The following ACBD6 variants were observed in gnomAD, a reference collection of about 807,000 sequenced individuals.
ACBD6 encodes acyl-CoA binding domain containing 6.
Under a neutral mutation model 37.2 loss-of-function variants are expected in ACBD6, and 28 were observed. The ratio of observed to expected loss-of-function variants is 0.75; its 90% CI spans 0.56 to 1.03. ACBD6 has a LOEUF of 1.03. ACBD6 is among the 50% of genes least tolerant of loss of function. The pLI is 0.00. For missense variants in ACBD6, 340 were observed against 337.4 expected (o/e 1.01, Z -0.06); for synonymous variants, 113 against 126.8 (o/e 0.89, Z 0.73).
intron 3 of ACBD6, chr1:180,435,849 CA>C: frequency 8.2e-7 from 1 of 1,220,810 alleles, no homozygotes; most frequent in Non-Finnish European, 1.2e-6. Flanking sequence ...ACCCTAAAAC[CA>C]GGTATCAAAT....
At chr1:180,497,949 C>A (rs1234292287) in intron 1 of ACBD6, among the ~76,000 whole-genome samples, 3 of 152,078 alleles carry the variant, frequency 2.0e-5, no homozygotes, top group Non-Finnish European at 4.4e-5. Flanking sequence ...TCAGTTGCAA[C>A]GAGGAATCTG....
intron 7 of ACBD6, among the ~76,000 whole-genome samples, chr1:180,289,114 A>G (rs1190265408): frequency 6.6e-6 from 1 of 151,770 alleles, no homozygotes; most frequent in Admixed American, 6.6e-5. Context: ...AAAAGGGCGT[A>G]GAGATATCAA....
At chr1:180,422,535 G>A (rs1383412163) in intron 4 of ACBD6, among the ~76,000 whole-genome samples, 2 of 152,080 alleles carry the variant, frequency 1.3e-5, no homozygotes, top group Admixed American at 6.6e-5. Flanking sequence ...ACAGAAGTCC[G>A]TAATGCTCAA....
intron 4 of ACBD6, among the ~76,000 whole-genome samples, chr1:180,417,042 T>C (rs567457213): frequency 1.3e-5 from 2 of 152,132 alleles, no homozygotes; most frequent in African/African-American, 2.4e-5. Context: ...ATTGCATGAA[T>C]GAAAATCCAA....
At chr1:180,486,440 G>C (rs1420677109) in intron 3 of ACBD6, among the ~76,000 whole-genome samples, 1 of 152,176 alleles carries the variant, frequency 6.6e-6, no homozygotes, top group East Asian at 1.9e-4. Context: ...CTAAGAAACA[G>C]TAACAGGCTA....
At chr1:180,304,618 G>T (rs1004350529) in intron 7 of ACBD6, among the ~76,000 whole-genome samples, 2 of 150,798 alleles carry the variant, frequency 1.3e-5, no homozygotes, top group African/African-American at 4.8e-5. Context: ...ACAAACAAAT[G>T]GAAGAACATT....
At chr1:180,353,130 C>A (rs962597039) in intron 6 of ACBD6, among the ~76,000 whole-genome samples, 3 of 152,074 alleles carry the variant, frequency 2.0e-5, no homozygotes, top group African/African-American at 7.2e-5. Context: ...TCCAAAAGAA[C>A]GTGAATCTTG....
chr1:180,397,584 C>A lies in ACBD6; in HGVS notation c.595G>T (p.Ala199Ser), dbSNP rs181492178. The change falls in exon 6 of 8, where the codon GCC (alanine) becomes TCC (serine). Residue 199 changes from alanine (A) to serine (S), a missense_variant. Transcript: ENST00000367595. ...DEEGRALLHW[A>S]CDRGHKELVT... The stretch of plus-strand genomic sequence containing the variant: ...AGTTCCTTATGTCCTCGATCACAGG[C>A]CCAGTGAAGTAGAGCCCTACCCTAA... The A allele has an allele frequency of 9.3e-6, 15 of 1,613,858 alleles. No homozygotes were observed. The highest frequency in any genetic ancestry group is 1.3e-5 in the Non-Finnish European group (15 of 1,179,868).
intron 7 of ACBD6, among the ~76,000 whole-genome samples, chr1:180,308,518 G>A (rs553143936): frequency 3.3e-4 from 50 of 152,268 alleles, no homozygotes; most frequent in Non-Finnish European, 4.6e-4. Context: ...ATGTGAACCC[G>A]AAACTTATAG....
exon 10 of ACBD6, chr1:180,274,928 G>A: frequency 4.6e-6 from 1 of 215,168 alleles, no homozygotes; most frequent in Admixed American, 5.1e-5. Context: ...TTGGCCTTTG[G>A]GAACTTTGCT....
At chr1:180,377,949 AAAT>A (rs71118455) in intron 6 of ACBD6, among the ~76,000 whole-genome samples, 7,234 of 143,330 alleles carry the variant, frequency 0.05, 549 homozygotes, top group African/African-American at 0.16. Context: ...CTCTGTCTCA[AAAT>A]AATAATAATA....
chr1:180,460,063 G>A (rs1314258902), intron 3 of ACBD6, among the ~76,000 whole-genome samples: 1 of 144,286 alleles, frequency 6.9e-6, no homozygotes, highest in African/African-American at 2.6e-5. Flanking sequence ...CATGTGCCAT[G>A]TTGGTGTGCT....
At chr1:180,449,119 T>C (rs1649594734) in intron 3 of ACBD6, among the ~76,000 whole-genome samples, 1 of 152,170 alleles carries the variant, frequency 6.6e-6, no homozygotes, top group Non-Finnish European at 1.5e-5. Flanking sequence ...ATTATTTTTG[T>C]CTCCATGCAA....
intron 6 of ACBD6, among the ~76,000 whole-genome samples, chr1:180,330,863 A>G (rs1395173135): frequency 6.6e-6 from 1 of 152,250 alleles, no homozygotes; most frequent in African/African-American, 2.4e-5. Flanking sequence ...TGCTCTATCC[A>G]CACGGTGGTC....
intron 3 of ACBD6, among the ~76,000 whole-genome samples, chr1:180,456,941 T>C (rs1489227450): frequency 1.3e-5 from 2 of 152,140 alleles, no homozygotes; most frequent in African/African-American, 4.8e-5. Flanking sequence ...TATTCATCTT[T>C]ACAAACAAAC....
chr1:180,437,500 G>A (rs994417416), intron 3 of ACBD6, among the ~76,000 whole-genome samples: 20 of 152,338 alleles, frequency 1.3e-4, no homozygotes, highest in African/African-American at 4.6e-4. Flanking sequence ...GTAGTGGTAT[G>A]AGAGCAGAGG....
chr1:180,290,807 G>A lies in ACBD6; in HGVS notation c.695-2290C>T, dbSNP rs556114818. Among the ~76,000 whole-genome samples the A allele has an allele frequency of 3.9e-5, 6 of 152,308 alleles. No homozygotes were observed. The South Asian group carries it at 1.0e-3, about 26-fold the overall frequency. The stretch of plus-strand genomic sequence containing the variant: ...TGGAGAACTGTCTCTGCTGGCTCAG[G>A]GAAGCAGTACAAAGAGTTGAAAGTA... On this transcript the variant is annotated intron_variant, in intron 7 of 7. Transcript: ENST00000367595.
At chr1:180,291,433 T>C (rs1202064881) in intron 7 of ACBD6, among the ~76,000 whole-genome samples, 1 of 152,192 alleles carries the variant, frequency 6.6e-6, no homozygotes, top group East Asian at 1.9e-4. Flanking sequence ...TGGCTTTTCA[T>C]TGTGATTTCT....
At chr1:180,400,137 A>G (rs530177318) in intron 5 of ACBD6, among the ~76,000 whole-genome samples, 1 of 152,318 alleles carries the variant, frequency 6.6e-6, no homozygotes, top group East Asian at 1.9e-4. Flanking sequence ...CAAGCAACAC[A>G]TTTTACTGTT....
Sources: gnomAD v4.1 joint callset for allele counts (sites outside exome capture counted in the v4.1 genomes callset) on GRCh38, gnomAD v4.1.1 for gene constraint, MANE v1.5 for transcripts, NCBI Gene and HGNC (gene_info 2026-07-23, HGNC 2026-07-21) for gene names.